Variants in FBLN1 observed in about 807,000 individuals in gnomAD.
The protein encoded by FBLN1 is fibulin-1.
FBLN1 carries 34 observed loss-of-function variants against 89.7 expected under a neutral mutation model. That is an observed-to-expected ratio of 0.38 (90% confidence interval 0.29 to 0.50). The LOEUF is 0.50. FBLN1 is among the 20% of genes least tolerant of loss of function. The pLI is 0.92. For missense variants in FBLN1, 777 were observed against 988.1 expected, an observed-to-expected ratio of 0.79 and a Z score of 2.86; for synonymous variants, 393 against 391.3, an observed-to-expected ratio of 1.00 and a Z score of -0.05.
intron 1 of FBLN1, among the ~76,000 whole-genome samples, chr22:45,511,306 C>T (rs940287006): frequency 6.6e-6 from 1 of 151,762 alleles, no homozygotes; most frequent in African/African-American, 2.4e-5. Context: ...AGGCATACGT[C>T]ACCATGCCTG....
rs749864314 is a variant in FBLN1 at position 45,548,782 on chromosome 22, G to C, written c.1573+38G>C. 3 of 1,609,544 alleles carry C rather than the reference G, an allele frequency of 1.9e-6. No homozygotes were observed. In the African/African-American group the frequency reaches 4.0e-5, roughly 21 times the overall value. Reference sequence around the variant, plus strand: ...GATGCCCTGGGGTCCCTCACGCTCTGCTTGGGGCCCTGCAATGTCGTGGGG... The same window carrying C: ...GATGCCCTGGGGTCCCTCACGCTCTCCTTGGGGCCCTGCAATGTCGTGGGG... On this transcript the variant is annotated intron_variant, in intron 13 of 16. Transcript: ENST00000327858.
At chr22:45,526,808 G>A (rs928001150) in intron 3 of FBLN1, among the ~76,000 whole-genome samples, 1 of 152,152 alleles carries the variant, frequency 6.6e-6, no homozygotes, top group African/African-American at 2.4e-5. Context: ...AGGACTTTGG[G>A]CGTTTCATGA....
intron 6 of FBLN1, 56 bp from the exon 7 acceptor site, chr22:45,533,705 G>A (rs2088441256): frequency 1.9e-6 from 3 of 1,589,880 alleles, no homozygotes; most frequent in Middle Eastern, 1.7e-4. Context: ...TTTCTAGGAT[G>A]TATTAGGATG....
In FBLN1 at chr22:45,577,132, C is replaced by G. The variant is rs757527845; in HGVS notation, c.1972+24C>G. On this transcript the variant is annotated intron_variant, in intron 16 of 16. Transcript: ENST00000327858. The surrounding 1 kb of genome is among the most constrained non-coding windows in gnomAD (Gnocchi z 6.6). ...GGGTGAGTGGCTGGGAATATCAGCT[C>G]TATCCAGGCACCCCTCCCCCTCCAC... The G allele has an allele frequency of 3.7e-6, 6 of 1,613,320 alleles. No homozygotes were observed. The South Asian group carries it at 6.6e-5, about 18-fold the overall frequency.
Position 45,511,964 on chromosome 22 carries a change from T to G in FBLN1, c.80-6718T>G, listed in dbSNP as rs114177567. ...CACATGGTCAGATGCAGGGGTCAGA[T>G]TGAGACTGGTTGATTGAAACTCCTC... On this transcript the variant is annotated intron_variant, in intron 1 of 16. Transcript: ENST00000327858. Among the ~76,000 whole-genome samples, 525 of 152,258 alleles carry G rather than the reference T, an allele frequency of 3.4e-3. 8 individuals are homozygous for G. Among genetic ancestry groups the G allele is most frequent in the African/African-American group, 0.012 (501 of 41,530 alleles).
intron 8 of FBLN1, chr22:45,535,552 C>T: frequency 1.7e-6 from 1 of 577,026 alleles, no homozygotes; most frequent in Non-Finnish European, 3.1e-6. Context: ...CTGTTATAGT[C>T]TAAAGCGGCC....
At chr22:45,570,306 C>T (rs1324294715) in intron 14 of FBLN1, among the ~76,000 whole-genome samples, 6 of 104,568 alleles carry the variant, frequency 5.7e-5, no homozygotes, top group African/African-American at 1.2e-4. Context: ...GGTGACAGAG[C>T]GAGACTCTGT....
chr22:45,510,093 A>G (rs905412104), intron 1 of FBLN1, among the ~76,000 whole-genome samples: 1 of 152,200 alleles, frequency 6.6e-6, no homozygotes, highest in Non-Finnish European at 1.5e-5. Context: ...AGCTTTGCCA[A>G]CTTAAAATAT....
chr22:45,585,903 C>A (rs1256801945), intron 16 of FBLN1, among the ~76,000 whole-genome samples: 1 of 152,164 alleles, frequency 6.6e-6, no homozygotes, highest in African/African-American at 2.4e-5. Context: ...TGTTATCCCT[C>A]CTTGAGGTTA....
intron 1 of FBLN1, 109 bp downstream of exon 1, chr22:45,503,173 G>A: frequency 4.6e-6 from 4 of 870,640 alleles, no homozygotes; most frequent in Non-Finnish European, 5.8e-6. Context: ...GCGTTGCCCT[G>A]CGCGGCGCCC....
Position 45,537,023 on chromosome 22 carries a change from C to G in FBLN1, c.922+1686C>G, listed in dbSNP as rs2088491506. Among the ~76,000 whole-genome samples, 1 of 152,150 alleles carries G rather than the reference C, an allele frequency of 6.6e-6. No individual in the cohort carries two copies. On this transcript the variant is annotated intron_variant, in intron 8 of 16. Transcript: ENST00000327858. This position sits in a 1 kb window ranked among gnomAD's most constrained non-coding sequence, Gnocchi z 5.7. Reference sequence around the variant, plus strand: ...CTGCAGTCAGCGCTTAAGTCCTGATCCACCGGCTCTCCCTCGGCCTCTGCT... The same window carrying G: ...CTGCAGTCAGCGCTTAAGTCCTGATGCACCGGCTCTCCCTCGGCCTCTGCT...
Position 45,581,912 on chromosome 22 carries a change from G to A in FBLN1, c.1972+4804G>A, listed in dbSNP as rs746740223. Among the ~76,000 whole-genome samples, 2 of 152,168 alleles carry A rather than the reference G, an allele frequency of 1.3e-5. No homozygotes were observed. Among genetic ancestry groups the A allele is most frequent in the Non-Finnish European group, 2.9e-5 (2 of 68,020 alleles). The stretch of plus-strand genomic sequence containing the variant: ...GTGCAGGGAGGGTCGAGGGGAGGCC[G>A]AAAGGGGCTGCAGGGCCAGGCCTTG... On this transcript the variant is annotated intron_variant, in intron 16 of 16. Coordinates refer to ENST00000327858, the MANE Select transcript of FBLN1 (RefSeq NM_006486.3). This position sits in a 1 kb window ranked among gnomAD's most constrained non-coding sequence, Gnocchi z 7.6.
In FBLN1 at chr22:45,531,195, T is replaced by C; in HGVS notation, c.485-70T>C. 7.6e-7 allele frequency: 1 copy of C among 1,320,712 alleles called. No individual in the cohort carries two copies. The highest frequency in any genetic ancestry group is 1.1e-6 in the Non-Finnish European group (1 of 912,794). The allele number at this position is 1,320,712 out of a possible 1,614,324, so 81.8% of individuals were successfully genotyped here. ...GCCTGATAGTGACAAGAAGAGAGAATGTTGGGAGTTTCTTTTAAGATAAGA... is the reference window on the plus strand; with the variant it reads ...GCCTGATAGTGACAAGAAGAGAGAACGTTGGGAGTTTCTTTTAAGATAAGA... On this transcript the variant is annotated intron_variant, in intron 4 of 16. Transcript: ENST00000327858. The surrounding 1 kb of genome is among the most constrained non-coding windows in gnomAD (Gnocchi z 4.9).
chr22:45,564,559 C>T (rs1277898321), intron 14 of FBLN1, among the ~76,000 whole-genome samples: 1 of 152,240 alleles, frequency 6.6e-6, no homozygotes, highest in Non-Finnish European at 1.5e-5. Context: ...CATGTGCCTG[C>T]CTCAGAGAGG....
chr22:45,555,272 A>AATAT (rs10648791), intron 14 of FBLN1, among the ~76,000 whole-genome samples: 4,703 of 44,540 alleles, frequency 0.11, 335 homozygotes, highest in African/African-American at 0.19. Flanking sequence ...TATAAAATGG[A>AATAT]ATATATATAT....
Position 45,572,084 on chromosome 22 carries a change from G to A in FBLN1, c.1698-2427G>A, listed in dbSNP as rs532819421. Among the ~76,000 whole-genome samples the A allele has an allele frequency of 2.6e-5, 4 of 152,082 alleles. No homozygotes were observed. The East Asian group carries it at 5.8e-4, about 22-fold the overall frequency. On this transcript the variant is annotated intron_variant, in intron 14 of 16. Coordinates refer to ENST00000327858, the MANE Select transcript of FBLN1 (RefSeq NM_006486.3). The surrounding 1 kb of genome is among the most constrained non-coding windows in gnomAD (Gnocchi z 5.8). ...GTGGAGGTTGCAGTGAGCCGATATCGCACCACAGCACTCCAGCCTGGGTGA... is the reference window on the plus strand; with the variant it reads ...GTGGAGGTTGCAGTGAGCCGATATCACACCACAGCACTCCAGCCTGGGTGA...
rs1601537103 is a variant in FBLN1, at chr22:45,581,686, C to G, written c.1972+4578C>G. ...AGGCCAGCCCCTCCTGTCGCACGGG[C>G]ATGACCATGGGGCAGTCAGGGGAGG... On this transcript the variant is annotated intron_variant, in intron 16 of 16. Transcript: ENST00000327858. The surrounding 1 kb of genome is among the most constrained non-coding windows in gnomAD (Gnocchi z 7.6). 1.3e-5 allele frequency among the ~76,000 whole-genome samples: 2 copies of G among 152,182 alleles called. No individual in the cohort carries two copies. Among genetic ancestry groups the G allele is most frequent in the South Asian group, 4.1e-4 (2 of 4,822 alleles).
Position 45,532,780 on chromosome 22 carries a change from T to C in FBLN1, c.545-283T>C, listed in dbSNP as rs136741. 0.88 allele frequency: 469,931 copies of C among 531,288 alleles called. 208,290 individuals carry two copies. Among genetic ancestry groups the C allele is most frequent in the East Asian group, 0.96 (28,545 of 29,798 alleles). The allele number at this position is 531,288 out of a possible 1,614,324, so 32.9% of individuals were successfully genotyped here. On this transcript the variant is annotated intron_variant, in intron 5 of 16. Coordinates refer to ENST00000327858, the MANE Select transcript of FBLN1 (RefSeq NM_006486.3). This position sits in a 1 kb window ranked among gnomAD's most constrained non-coding sequence, Gnocchi z 4.2. ...TGACCGGCAGTGAGCTCTTCTCTGC[T>C]TCGCCCCTTCCAGGTCCACCCCAGC... is the stretch of plus-strand genomic sequence containing the variant.
chr22:45,519,049 C>G (rs1191567871), intron 2 of FBLN1, among the ~76,000 whole-genome samples: 1 of 114,800 alleles, frequency 8.7e-6, no homozygotes, highest in Non-Finnish European at 1.8e-5. Flanking sequence ...GCAAGAAGAT[C>G]TGGGCTTGCA....
Sources: gnomAD v4.1 joint callset for allele counts (sites outside exome capture counted in the v4.1 genomes callset) on GRCh38, gnomAD v4.1.1 for gene constraint, Gnocchi (gnomAD v3.1) non-coding constraint, MANE v1.5 for transcripts, NCBI Gene and HGNC (gene_info 2026-07-23, HGNC 2026-07-21) for gene names.